TCF7L2: variants seen among roughly 807,000 people sequenced by gnomAD.
TCF7L2 encodes transcription factor 7-like 2.
TCF7L2 carries 23 observed loss-of-function variants against 77.9 expected under a neutral mutation model. The ratio of observed to expected loss-of-function variants is 0.30; its 90% confidence interval spans 0.21 to 0.42. The LOEUF is 0.42. Ranked by LOEUF, TCF7L2 falls within the 10% of genes least tolerant of loss-of-function variation. The probability of loss-of-function intolerance (pLI) is 1.00; values close to 1 mark genes in which losing one functional copy is unlikely to be tolerated. For synonymous variants in TCF7L2, 413 were observed against 340.2 expected, an observed-to-expected ratio of 1.21 and a Z score of -2.36; for missense variants, 654 against 793.1, an observed-to-expected ratio of 0.82 and a Z score of 2.11.
chr10:113,096,611 A>G (rs1337542921), intron 5 of TCF7L2, among the ~76,000 whole-genome samples: 4 of 151,976 alleles, frequency 2.6e-5, no homozygotes, highest in Admixed American at 1.3e-4. Flanking sequence ...GCGCCATAGG[A>G]GGCCAGATTT....
intron 4 of TCF7L2, among the ~76,000 whole-genome samples, chr10:112,978,417 T>A (rs762871368): frequency 1.7e-4 from 26 of 152,054 alleles, no homozygotes; most frequent in Non-Finnish European, 2.2e-4. Flanking sequence ...GGACCTCATA[T>A]CCTAATTTCT....
intron 7 of TCF7L2, among the ~76,000 whole-genome samples, chr10:113,144,447 G>A (rs2068954006): frequency 6.6e-6 from 1 of 152,036 alleles, no homozygotes; most frequent in Admixed American, 6.5e-5. Context: ...TCCATTTTAG[G>A]TGTTACATAT....
chr10:113,166,118 A>G lies in TCF7L2; in HGVS notation c.*146A>G. On this transcript the variant is annotated 3_prime_UTR_variant, in exon 14 of 14. Transcript: ENST00000627217. Reference sequence around the variant, plus strand: ...ACATTAGTTGATGTTTATCGAGTTCATTGGTCAATATTTGACCCATTCTTA... The same window carrying G: ...ACATTAGTTGATGTTTATCGAGTTCGTTGGTCAATATTTGACCCATTCTTA... 1.6e-6 allele frequency: 1 copy of G among 637,682 alleles called. No individual in the cohort carries two copies. Among genetic ancestry groups the G allele is most frequent in the Non-Finnish European group, 2.3e-6 (1 of 436,770 alleles). The allele number at this position is 637,682 out of a possible 1,614,324, so 39.5% of individuals were successfully genotyped here. A position where few individuals can be genotyped will look rare whatever the true frequency, so the allele number is the denominator to read the frequency against.
chr10:113,137,843 C>T (rs909893364), intron 5 of TCF7L2, among the ~76,000 whole-genome samples: 5 of 152,230 alleles, frequency 3.3e-5, no homozygotes, highest in African/African-American at 1.2e-4. Flanking sequence ...TTCTAGAAGA[C>T]ATAGTCCTTG....
chr10:113,022,847 T>C (rs1261063640), intron 4 of TCF7L2, among the ~76,000 whole-genome samples: 1 of 152,168 alleles, frequency 6.6e-6, no homozygotes, highest in African/African-American at 2.4e-5. Flanking sequence ...TTGCCCAAGC[T>C]CACCCACTTT....
At chr10:112,966,183 T>C (rs1301873393) in intron 4 of TCF7L2, among the ~76,000 whole-genome samples, 4 of 34,978 alleles carry the variant, frequency 1.1e-4, no homozygotes, top group African/African-American at 3.6e-4. Context: ...CTAAAATATA[T>C]TTATATATAT....
intron 5 of TCF7L2, among the ~76,000 whole-genome samples, chr10:113,109,987 CA>C (rs1186355794): frequency 6.6e-6 from 1 of 152,148 alleles, no homozygotes; most frequent in Non-Finnish European, 1.5e-5. Flanking sequence ...TCATTTCATA[CA>C]GAAAATAGCT....
At chr10:112,995,313 C>A (rs1418261728) in intron 4 of TCF7L2, among the ~76,000 whole-genome samples, 1 of 152,164 alleles carries the variant, frequency 6.6e-6, no homozygotes, top group Non-Finnish European at 1.5e-5. Context: ...AAGCAAACCA[C>A]ATCATTACCC....
intron 5 of TCF7L2, among the ~76,000 whole-genome samples, chr10:113,071,797 G>C (rs1403140193): frequency 6.6e-6 from 1 of 152,156 alleles, no homozygotes; most frequent in Non-Finnish European, 1.5e-5. Flanking sequence ...CTATCAATGT[G>C]ACAGACACTA....
chr10:113,104,115 G>A (rs994684416), intron 5 of TCF7L2, among the ~76,000 whole-genome samples: 2 of 152,160 alleles, frequency 1.3e-5, no homozygotes, highest in South Asian at 4.2e-4. Context: ...ATTCATTGGC[G>A]ATCCTTCCCC....
chr10:113,064,019 C>G (rs918850575), intron 5 of TCF7L2, among the ~76,000 whole-genome samples: 3 of 152,002 alleles, frequency 2.0e-5, no homozygotes, highest in African/African-American at 7.3e-5. Context: ...GTCTAGGGAA[C>G]TCCTGCGAGG....
chr10:113,009,333 A>T (rs201417924), intron 4 of TCF7L2, among the ~76,000 whole-genome samples: 1 of 152,148 alleles, frequency 6.6e-6, no homozygotes, highest in East Asian at 1.9e-4. Flanking sequence ...TCCGAGTTGC[A>T]TTACCTCCTG....
rs568882385 is a variant in TCF7L2, at chr10:113,024,568, A to G, written c.451-15457A>G. On this transcript the variant is annotated intron_variant, in intron 4 of 13. Transcript: ENST00000627217. ...ATATACATAATGAGATATCCTGGGG[A>G]TGGGACCCAAATCTGAACAGGAAAT... 2.0e-5 allele frequency among the ~76,000 whole-genome samples: 3 copies of G among 149,502 alleles called. No homozygotes were observed. The East Asian group carries it at 6.0e-4, about 30-fold the overall frequency.
intron 5 of TCF7L2, among the ~76,000 whole-genome samples, chr10:113,077,568 G>A (rs1435919785): frequency 6.6e-6 from 1 of 152,000 alleles, no homozygotes; most frequent in East Asian, 1.9e-4. Context: ...TGCCTGTTCT[G>A]GCATTAGATA....
rs869133669 is a variant in TCF7L2, at chr10:113,097,646, G to GAAAA, written c.553-43513_553-43510dup. ...GTGACAGAGTAAGACTCTTGTCTCG[G>GAAAA]AAAAAAAAAAAAAAAAAAAAAAAAA... On this transcript the variant is annotated intron_variant, in intron 5 of 13. Coordinates refer to ENST00000627217, the MANE Select transcript of TCF7L2 (RefSeq NM_001146274.2). Among the ~76,000 whole-genome samples, 3 of 36,742 alleles carry GAAAA rather than the reference G, an allele frequency of 8.2e-5. 1 individual carries two copies. The highest frequency in any genetic ancestry group is 2.0e-3 in the East Asian group (2 of 1,024). The allele number at this position is 36,742 out of a possible 152,430, so 24.1% of individuals were successfully genotyped here. A position where few individuals can be genotyped will look rare whatever the true frequency, so the allele number is the denominator to read the frequency against.
intron 7 of TCF7L2, among the ~76,000 whole-genome samples, chr10:113,145,026 C>G (rs1419978845): frequency 2.0e-5 from 3 of 151,750 alleles, no homozygotes; most frequent in African/African-American, 4.8e-5. Context: ...GGGAAGATGG[C>G]CTTTCAAAGC....
intron 5 of TCF7L2, among the ~76,000 whole-genome samples, chr10:113,085,540 C>A (rs940731056): frequency 1.3e-5 from 2 of 152,106 alleles, no homozygotes; most frequent in Non-Finnish European, 2.9e-5. Context: ...ATTGCATTAG[C>A]GTTTGAATAT....
At chr10:113,008,929 A>G (rs1439624658) in intron 4 of TCF7L2, among the ~76,000 whole-genome samples, 1 of 151,884 alleles carries the variant, frequency 6.6e-6, no homozygotes, top group East Asian at 1.9e-4. Flanking sequence ...TATAAATCTC[A>G]TCTTTTTTGT....
chr10:113,033,796 C>T (rs2050666157), intron 4 of TCF7L2, among the ~76,000 whole-genome samples: 1 of 152,190 alleles, frequency 6.6e-6, no homozygotes, highest in South Asian at 2.1e-4. Flanking sequence ...GCAGCCTAGT[C>T]TCCTATACCT....
Sources: gnomAD v4.1 joint callset for allele counts (sites outside exome capture counted in the v4.1 genomes callset) on GRCh38, gnomAD v4.1.1 for gene constraint, MANE v1.5 for transcripts, NCBI Gene and HGNC (gene_info 2026-07-23, HGNC 2026-07-21) for gene names.